Variants in ARHGAP6 observed in about 807,000 individuals in gnomAD.
ARHGAP6 encodes rho GTPase-activating protein 6.
A neutral mutation model predicts 55.7 loss-of-function variants in ARHGAP6; 16 were observed. The ratio of observed to expected loss-of-function variants is 0.29; its 90% CI spans 0.19 to 0.44. The LOEUF (loss-of-function observed/expected upper bound fraction) is 0.44, where lower values mean the gene tolerates loss of function less well. Among genes scored for constraint, ARHGAP6 ranks in the 20% least tolerant of loss-of-function variants. The pLI is 1.00. For synonymous variants in ARHGAP6, 382 were observed against 360.9 expected (o/e 1.06, Z -0.66); for missense variants, 698 against 808.9 (o/e 0.86, Z 1.66).
chrX:11,376,920 T>C (rs942638498), intron 1 of ARHGAP6, among the ~76,000 whole-genome samples: 43 of 111,694 alleles, frequency 3.8e-4, no homozygotes, highest in African/African-American at 1.4e-3. Flanking sequence ...AAGGACAGAA[T>C]GAGCTCTCCA....
chrX:11,182,117 G>A lies in ARHGAP6; in HGVS notation c.1275C>T (p.Gly425=). The A allele has an allele frequency of 8.3e-7, 1 of 1,202,019 alleles. No homozygotes were observed. Among genetic ancestry groups the A allele is most frequent in the South Asian group, 1.8e-5 (1 of 55,930 alleles). Residue 425 remains glycine, a splice_region_variant and synonymous_variant, in exon 6 of 13, where the codon GGC becomes GGT. Transcript: ENST00000337414. ...DSCCQHLEKH[G]LQTVGIFRVG... is the part of the protein sequence containing the mutation. Reference sequence around the variant, plus strand: ...CTCGGAATATCCCCACTGTCTGGAGGCCTGCAAATAAGCAAACAAAATGAA... The same window carrying A: ...CTCGGAATATCCCCACTGTCTGGAGACCTGCAAATAAGCAAACAAAATGAA...
chrX:11,430,506 T>C (rs767250180), intron 1 of ARHGAP6, among the ~76,000 whole-genome samples: 4 of 112,319 alleles, frequency 3.6e-5, no homozygotes, highest in Admixed American at 2.8e-4. Flanking sequence ...AGTCCAATTG[T>C]GTAAGGCTCA....
intron 3 of ARHGAP6, among the ~76,000 whole-genome samples, chrX:11,191,398 G>A (rs938949462): frequency 8.9e-5 from 10 of 111,825 alleles, no homozygotes; most frequent in Non-Finnish European, 1.5e-4. Context: ...AAATGAATAG[G>A]CATGGCTGTG....
At chrX:11,559,189 C>G (rs1226895138) in intron 1 of ARHGAP6, among the ~76,000 whole-genome samples, 1 of 109,526 alleles carries the variant, frequency 9.1e-6, no homozygotes, top group Non-Finnish European at 1.9e-5. Context: ...AGCAATGCCA[C>G]TTTCACCTCT....
At chrX:11,611,511 G>A (rs759533108) in intron 1 of ARHGAP6, among the ~76,000 whole-genome samples, 4 of 111,901 alleles carry the variant, frequency 3.6e-5, no homozygotes, top group African/African-American at 1.3e-4. Flanking sequence ...AAAAGATGTA[G>A]TTGCTAAAGC....
chrX:11,431,591 C>T (rs1219529166), intron 1 of ARHGAP6, among the ~76,000 whole-genome samples: 1 of 111,849 alleles, frequency 8.9e-6, no homozygotes. Flanking sequence ...CCATTGTTAA[C>T]AGAGTTACTA....
chrX:11,597,948 T>A (rs2051921505), intron 1 of ARHGAP6, among the ~76,000 whole-genome samples: 1 of 112,058 alleles, frequency 8.9e-6, no homozygotes, highest in Admixed American at 9.5e-5. Flanking sequence ...TGTTAGATGT[T>A]TATTTTCAAA....
intron 2 of ARHGAP6, among the ~76,000 whole-genome samples, chrX:11,234,218 G>A (rs987175227): frequency 7.1e-5 from 8 of 112,324 alleles, no homozygotes; most frequent in East Asian, 5.6e-4. Context: ...AGGATCCTGC[G>A]TGGGGTCACC....
intron 1 of ARHGAP6, among the ~76,000 whole-genome samples, chrX:11,485,039 A>ACAAC (rs201153729): frequency 4.2e-4 from 46 of 110,327 alleles, no homozygotes; most frequent in African/African-American, 1.3e-3. Flanking sequence ...AACAACAACA[A>ACAAC]AAAAAAAACA....
intron 1 of ARHGAP6, among the ~76,000 whole-genome samples, chrX:11,281,715 G>C (rs1439924158): frequency 2.7e-5 from 3 of 111,602 alleles, no homozygotes; most frequent in Non-Finnish European, 3.8e-5. Context: ...TTCTCAAATG[G>C]TTATTAGTGG....
intron 1 of ARHGAP6, among the ~76,000 whole-genome samples, chrX:11,607,047 C>G (rs181240873): frequency 8.9e-6 from 1 of 112,021 alleles, no homozygotes; most frequent in Non-Finnish European, 1.9e-5. Context: ...CTTACAGTTG[C>G]CAACTCATGA....
Position 11,318,149 on chromosome X carries a change from G to C in ARHGAP6, c.589-63442C>G, listed in dbSNP as rs761223236. Among the ~76,000 whole-genome samples, 13 of 112,435 alleles carry C rather than the reference G, an allele frequency of 1.2e-4. 1 individual carries two copies. Among genetic ancestry groups the C allele is most frequent in the Admixed American group, 5.7e-4 (6 of 10,614 alleles). On this transcript the variant is annotated intron_variant, in intron 1 of 12. Coordinates refer to ENST00000337414, the MANE Select transcript of ARHGAP6 (RefSeq NM_013427.3). ...AGACTTCCTGTCATTTCCAAAAGCA[G>C]AGTTGTCATTTAATTCTACTATCCA...
chrX:11,236,325 G>A (rs1410267515), intron 2 of ARHGAP6, among the ~76,000 whole-genome samples: 2 of 111,442 alleles, frequency 1.8e-5, no homozygotes, highest in African/African-American at 6.5e-5. Flanking sequence ...CAGCATGGGG[G>A]TAACAGTCCC....
intron 1 of ARHGAP6, among the ~76,000 whole-genome samples, chrX:11,586,064 C>T (rs753507429): frequency 2.7e-5 from 3 of 111,644 alleles, no homozygotes; most frequent in Non-Finnish European, 5.7e-5. Context: ...CCACCTCCAA[C>T]ATTGGGGATT....
chrX:11,178,738 G>A (rs1020116060), intron 7 of ARHGAP6, among the ~76,000 whole-genome samples: 3 of 112,315 alleles, frequency 2.7e-5, no homozygotes, highest in Non-Finnish European at 5.6e-5. Context: ...TTCTCTCTCC[G>A]TTGTGATCCT....
chrX:11,349,673 A>AT (rs770560647), intron 1 of ARHGAP6, among the ~76,000 whole-genome samples: 1 of 112,345 alleles, frequency 8.9e-6, no homozygotes, highest in East Asian at 2.8e-4. Context: ...GAGGAAGATT[A>AT]TTTTTTGTCA....
At chrX:11,158,924 A>G (rs2045902491) in intron 9 of ARHGAP6, among the ~76,000 whole-genome samples, 1 of 112,505 alleles carries the variant, frequency 8.9e-6, no homozygotes, top group East Asian at 2.8e-4. Context: ...ACAAACATAC[A>G]AGAAAAACAT....
chrX:11,139,540 A>G lies in ARHGAP6; in HGVS notation c.2258-10T>C, dbSNP rs766918819. 5.3e-6 allele frequency: 6 copies of G among 1,131,907 alleles called. No homozygotes were observed. The highest frequency in any genetic ancestry group is 7.0e-6 in the Non-Finnish European group (6 of 858,872). 93.3% of individuals were successfully genotyped at this position (1,131,907 alleles called of 1,213,427 possible). A position where few individuals can be genotyped will look rare whatever the true frequency, so the allele number is the denominator to read the frequency against. The stretch of plus-strand genomic sequence containing the variant: ...ATGTCTCCAGAGGAACCTGGAAGCC[A>G]GAGAGAAAGCCCAAGAAATGGAATC... On this transcript the variant is annotated splice_polypyrimidine_tract_variant and intron_variant, in intron 12 of 12. Coordinates refer to ENST00000337414, the MANE Select transcript of ARHGAP6 (RefSeq NM_013427.3).
At chrX:11,427,884 G>A (rs1457544341) in intron 1 of ARHGAP6, 3 of 606,830 alleles carry the variant, frequency 4.9e-6, no homozygotes, top group Non-Finnish European at 5.9e-6. Context: ...AGTCTGATGC[G>A]ATGGGCGGGC....
Sources: gnomAD v4.1 joint callset for allele counts (sites outside exome capture counted in the v4.1 genomes callset) on GRCh38, gnomAD v4.1.1 for gene constraint, MANE v1.5 for transcripts, NCBI Gene and HGNC (gene_info 2026-07-23, HGNC 2026-07-21) for gene names.